The following PKD1 variants were observed in gnomAD, a reference collection of about 807,000 sequenced individuals.
PKD1 encodes polycystin 1, transient receptor potential channel interacting.
A neutral mutation model predicts 361.7 loss-of-function variants in PKD1; 81 were observed. The ratio of observed to expected loss-of-function variants is 0.22; its 90% CI spans 0.19 to 0.27. The LOEUF (loss-of-function observed/expected upper bound fraction) is 0.27. PKD1 is among the 10% of genes least tolerant of loss of function. The pLI is 1.00. For missense variants in PKD1, 6,399 were observed against 6,118.3 expected, an observed-to-expected ratio of 1.05 and a Z score of -1.53; for synonymous variants, 3,615 against 2,818.3, an observed-to-expected ratio of 1.28 and a Z score of -8.95.
At chr16:2,124,444 C>G (rs1281012860) in intron 1 of PKD1, among the ~76,000 whole-genome samples, 1 of 152,250 alleles carries the variant, frequency 6.6e-6, no homozygotes, top group Admixed American at 6.5e-5. Context: ...GCCGGGAAGT[C>G]TTGGGGCTGG....
chr16:2,110,368 G>T lies in PKD1; in HGVS notation c.4799C>A (p.Thr1600Asn). 1 of 1,612,618 alleles carries T rather than the reference G, an allele frequency of 6.2e-7. No homozygotes were observed. ...PIPGGPTISYTFRSVGTFNII... is the reference protein window; with the variant it reads ...PIPGGPTISYNFRSVGTFNII... ...ATTGAAGGTGCCCACGGAGCGGAAG[G>T]TGTAAGAGATGGTAGGACCCCCAGG... Residue 1600 changes from threonine to asparagine, a missense_variant, in exon 15 of 46, where the codon ACC becomes AAC. Physicochemically the swap from Thr to Asn is moderately conservative, Grantham distance 65. Transcript: ENST00000262304.
rs2091572700 is a variant in PKD1 at position 2,091,442 on chromosome 16, G to C, written c.11693C>G (p.Ser3898Trp). The part of the protein sequence containing the change: ...FALRRLSAGL[S>W]LPLLTSVCLL... ...GCGTACCGAGGTGAGCAGAGGCAGC[G>C]AGAGGCCCGCGCTGAGGCGGCGCAG... Residue 3898 changes from serine (S) to tryptophan (W), a missense_variant, in exon 42 of 46, where the codon TCG (serine) becomes TGG (tryptophan). By Grantham distance (177) the Ser-to-Trp change is radical (BLOSUM62 -3). Transcript: ENST00000262304. 8.4e-7 allele frequency: 1 copy of C among 1,196,732 alleles called. No homozygotes were observed. Among genetic ancestry groups the C allele is most frequent in the Non-Finnish European group, 1.0e-6 (1 of 963,342 alleles). 74.1% of individuals were successfully genotyped at this position (1,196,732 alleles called of 1,614,324 possible).
chr16:2,135,239 G>T (rs554125395), intron 1 of PKD1: 3 of 985,070 alleles, frequency 3.0e-6, no homozygotes, highest in Non-Finnish European at 3.6e-6. Flanking sequence ...CCCCGCTGGC[G>T]TCTGCAGAGC....
At position 2,091,915 on chromosome 16, in the gene PKD1, G is replaced by A. The variant is rs1476670909; in HGVS notation, c.11412-9C>T. Reference sequence around the variant, plus strand: ...AGCCCCAGGACCATGCCCTGCCGGAGAGGGGTGGCGTGGGTGCCGCACCCC... The same window carrying A: ...AGCCCCAGGACCATGCCCTGCCGGAAAGGGGTGGCGTGGGTGCCGCACCCC... On this transcript the variant is annotated splice_polypyrimidine_tract_variant and intron_variant, in intron 40 of 45. Transcript: ENST00000262304. The A allele has an allele frequency of 1.2e-6, 2 of 1,611,596 alleles. No homozygotes were observed. Among genetic ancestry groups the A allele is most frequent in the African/African-American group, 1.3e-5 (1 of 75,034 alleles).
chr16:2,091,852 C>T lies in PKD1; in HGVS notation c.11466G>A (p.Glu3822=). Residue 3822 remains glutamate (E), a synonymous_variant, in exon 41 of 46, where the codon GAG becomes GAA. Transcript: ENST00000262304. ...GGCTCTCCTCCAGGCTCAGGCCCAG[C>T]TCCTGCACGTAGCCCCCGCTGTCAT... ...AVYDSGGYVQ[E]LGLSLEESRD... is the part of the protein sequence containing the mutation. 1 of 1,610,518 alleles carries T rather than the reference C, an allele frequency of 6.2e-7. No individual in the cohort carries two copies. Among genetic ancestry groups the T allele is most frequent in the Non-Finnish European group, 8.5e-7 (1 of 1,179,234 alleles).
At chr16:2,107,301 A>G in intron 16 of PKD1, 3 of 391,980 alleles carry the variant, frequency 7.7e-6, no homozygotes, top group Non-Finnish European at 1.5e-5. Flanking sequence ...TGACTCACAG[A>G]CTCCTGCAGC....
intron 30 of PKD1, among the ~76,000 whole-genome samples, chr16:2,098,396 G>C (rs963059387): frequency 3.3e-5 from 5 of 151,154 alleles, no homozygotes; most frequent in Admixed American, 1.3e-4. Flanking sequence ...TTTTAGTAGA[G>C]ACGGGGTTTC....
At chr16:2,120,066 C>T (rs1024258406) in intron 1 of PKD1, 16 of 585,260 alleles carry the variant, frequency 2.7e-5, no homozygotes, top group South Asian at 6.1e-5. Flanking sequence ...ACACATTAGC[C>T]AGGCATGGCG....
Position 2,090,527 on chromosome 16 carries a change from C to T in PKD1, c.12202G>A (p.Gly4068Arg). 6.2e-7 allele frequency: 1 copy of T among 1,610,562 alleles called. No individual in the cohort carries two copies. The highest frequency in any genetic ancestry group is 8.5e-7 in the Non-Finnish European group (1 of 1,179,460). ...GGACACAGGGTAGAGAGCCCAGTCC[C>T]AGGGCACAGCACCAACAGGGCCTGG... is the stretch of plus-strand genomic sequence containing the variant. ...VAQALLVLCP[G>R]TGLSTLCPAE... The change falls in exon 45 of 46, where the codon GGG becomes AGG. Residue 4068 changes from glycine to arginine, a missense_variant. Physicochemically the swap from Gly to Arg is moderately radical, Grantham distance 125 (BLOSUM62 -2). Transcript: ENST00000262304.
chr16:2,091,279 T>C (rs1379946721), intron 42 of PKD1, 105 bp from the exon 43 acceptor site: 3 of 364,842 alleles, frequency 8.2e-6, no homozygotes, highest in Non-Finnish European at 1.2e-5. Flanking sequence ...GGCGGGACGC[T>C]GCCGGGGCGG....
In PKD1 at chr16:2,089,656, G is replaced by C. The variant is rs908803184; in HGVS notation, c.*71C>G. The C allele has an allele frequency of 7.2e-6, 11 of 1,528,914 alleles. No homozygotes were observed. The highest frequency in any genetic ancestry group is 2.5e-5 in the East Asian group (1 of 40,672). The allele number at this position is 1,528,914 out of a possible 1,614,324, so 94.7% of individuals were successfully genotyped here. A position where few individuals can be genotyped will look rare whatever the true frequency, so the allele number is the denominator to read the frequency against. On this transcript the variant is annotated 3_prime_UTR_variant, in exon 46 of 46. Transcript: ENST00000262304. ...GCCATTCTGCCTGGCCCTCGGCCTT[G>C]ACAGCGGCAGAAAGTAATACTGAGC...
rs375501810 is a variant in PKD1 at position 2,097,333 on chromosome 16, G to A, written c.10391C>T (p.Ser3464Phe). The A allele has an allele frequency of 1.0e-4, 161 of 1,612,714 alleles. No individual in the cohort carries two copies. Among genetic ancestry groups the A allele is most frequent in the Non-Finnish European group, 1.2e-4 (143 of 1,179,990 alleles). Residue 3464 changes from serine to phenylalanine, a missense_variant, in exon 33 of 46, where the codon TCC becomes TTC. Coordinates refer to ENST00000262304, the MANE Select transcript of PKD1 (RefSeq NM_001009944.3). ...SLASPYSPAKSFSASDEDLIQ... is the reference protein window; with the variant it reads ...SLASPYSPAKFFSASDEDLIQ... Reference sequence around the variant, plus strand: ...CCCCAGCTCACCTGATGCTGAGAAGGATTTGGCAGGCGAGTAGGGGCTGGC... The same window carrying A: ...CCCCAGCTCACCTGATGCTGAGAAGAATTTGGCAGGCGAGTAGGGGCTGGC...
chr16:2,093,188 G>C (rs1218869713), intron 37 of PKD1, 95 bp from the exon 38 acceptor site: 2 of 1,473,834 alleles, frequency 1.4e-6, no homozygotes, highest in South Asian at 1.1e-5. Context: ...CGGCAGGTGT[G>C]GCTGCAGGAA....
In PKD1 at chr16:2,092,130, G is replaced by A. The variant is rs1367495694; in HGVS notation, c.11328C>T (p.Phe3776=). The change falls in exon 40 of 46, where the codon TTC becomes TTT. Residue 3776 remains phenylalanine (F), a synonymous_variant. Coordinates refer to ENST00000262304, the MANE Select transcript of PKD1 (RefSeq NM_001009944.3). ...RVHTCSAAGG[F]STSDYDVGWE... is the part of the protein sequence containing the mutation. ...AGCCAACGTCGTAATCGCTGGTGCT[G>A]AAGCCTCCTGCGGCCGAGCACGTGT... 6.2e-7 allele frequency: 1 copy of A among 1,612,800 alleles called. No homozygotes were observed. Among genetic ancestry groups the A allele is most frequent in the Non-Finnish European group, 8.5e-7 (1 of 1,179,948 alleles).
intron 40 of PKD1, 26 bp downstream of exon 40, chr16:2,092,021 A>C (rs1414275020): frequency 3.7e-6 from 6 of 1,612,540 alleles, no homozygotes; most frequent in Non-Finnish European, 5.1e-6. Flanking sequence ...CTTGGCGTAG[A>C]CGCCCGGGGC....
Position 2,106,213 on chromosome 16 carries a change from G to C in PKD1, c.7581C>G (p.Val2527=), listed in dbSNP as rs766719977. The change falls in exon 19 of 46, where the codon GTC becomes GTG. Residue 2527 remains valine (V), a synonymous_variant. Transcript: ENST00000262304. The surrounding 1 kb of genome is among the most constrained non-coding windows in gnomAD (Gnocchi z 6.5). The stretch of plus-strand genomic sequence containing the variant: ...CGTAGCTGGAGAGGCTGCCCTTGTA[G>C]ACACAGAACTCCTCGCAGTGGCCCT... ...CRQGHCEEFC[V]YKGSLSSYGA... The C allele has an allele frequency of 6.2e-7, 1 of 1,610,216 alleles. No homozygotes were observed. Among genetic ancestry groups the C allele is most frequent in the Non-Finnish European group, 8.5e-7 (1 of 1,179,536 alleles).
At chr16:2,116,397 C>A in intron 8 of PKD1, 132 bp downstream of exon 8, 2 of 634,190 alleles carry the variant, frequency 3.2e-6, no homozygotes, top group Non-Finnish European at 5.7e-6. Flanking sequence ...CTGGATTTTC[C>A]CAACCATCTT....
In PKD1 at chr16:2,109,236, G is replaced by A. The variant is rs1217786104; in HGVS notation, c.5931C>T (p.Pro1977=). The change falls in exon 15 of 46, where the codon CCC becomes CCT. Residue 1977 remains proline (P), a synonymous_variant. Coordinates refer to ENST00000262304, the MANE Select transcript of PKD1 (RefSeq NM_001009944.3). ...TGGCGATGCCAGGCTCGCAGCAGTT[G>A]GGCACCTGCAGCCCACTCACGGCCT... is the stretch of plus-strand genomic sequence containing the variant. The part of the protein sequence containing the change: ...VLEAVSGLQV[P]NCCEPGIATG... 1.3e-6 allele frequency: 2 copies of A among 1,589,764 alleles called. No homozygotes were observed. Among genetic ancestry groups the A allele is most frequent in the Non-Finnish European group, 1.7e-6 (2 of 1,167,638 alleles).
intron 34 of PKD1, among the ~76,000 whole-genome samples, chr16:2,096,401 G>C (rs551177182): frequency 5.6e-4 from 85 of 152,398 alleles, no homozygotes; most frequent in African/African-American, 1.8e-3. Context: ...GTGGGAACAC[G>C]CCGTGGGTGC....
Sources: gnomAD v4.1 joint callset for allele counts (sites outside exome capture counted in the v4.1 genomes callset) on GRCh38, gnomAD v4.1.1 for gene constraint, Gnocchi (gnomAD v3.1) non-coding constraint, MANE v1.5 for transcripts, NCBI Gene and HGNC (gene_info 2026-07-23, HGNC 2026-07-21) for gene names.